RIMS2: variants seen among roughly 807,000 people sequenced by gnomAD.
RIMS2 encodes the protein regulating synaptic membrane exocytosis protein 2.
Under a neutral mutation model 174.4 loss-of-function variants are expected in RIMS2, and 59 were observed. The ratio of observed to expected loss-of-function variants is 0.34; its 90% CI spans 0.27 to 0.42. The LOEUF (loss-of-function observed/expected upper bound fraction) is 0.42, where lower values mean the gene tolerates loss of function less well. Ranked by LOEUF, RIMS2 falls within the 10% of genes least tolerant of loss-of-function variation. The probability of loss-of-function intolerance (pLI) is 1.00; values close to 1 mark genes in which losing one functional copy is unlikely to be tolerated. For synonymous variants in RIMS2, 606 were observed against 572.5 expected, an observed-to-expected ratio of 1.06 and a Z score of -0.84; for missense variants, 1,620 against 1,666.3, an observed-to-expected ratio of 0.97 and a Z score of 0.48.
intron 2 of RIMS2, among the ~76,000 whole-genome samples, chr8:103,737,379 G>A (rs556699265): frequency 1.3e-5 from 2 of 151,316 alleles, no homozygotes; most frequent in South Asian, 4.2e-4. Context: ...TAGAGATAGG[G>A]TTTCACCATG....
At chr8:104,235,670 G>A (rs1470392565) in intron 19 of RIMS2, among the ~76,000 whole-genome samples, 1 of 151,880 alleles carries the variant, frequency 6.6e-6, no homozygotes, top group Non-Finnish European at 1.5e-5. Flanking sequence ...ACACACACAT[G>A]CATTCACATA....
intron 3 of RIMS2, among the ~76,000 whole-genome samples, chr8:103,772,454 A>G (rs951787713): frequency 7.9e-5 from 12 of 152,116 alleles, no homozygotes; most frequent in Admixed American, 2.0e-4. Context: ...TATAAATCTA[A>G]CAAAATATGT....
intron 19 of RIMS2, among the ~76,000 whole-genome samples, chr8:104,073,393 C>T (rs2097228894): frequency 6.6e-6 from 1 of 152,160 alleles, no homozygotes; most frequent in South Asian, 2.1e-4. Context: ...AAATAAGGCT[C>T]ATTCAACAAA....
intron 1 of RIMS2, among the ~76,000 whole-genome samples, chr8:103,662,019 C>T (rs2096607177): frequency 6.6e-6 from 1 of 152,066 alleles, no homozygotes; most frequent in Non-Finnish European, 1.5e-5. Flanking sequence ...TTTTGGCTTC[C>T]CTGGGCTACA....
intron 19 of RIMS2, among the ~76,000 whole-genome samples, chr8:104,154,778 A>C (rs1333521630): frequency 6.6e-6 from 1 of 152,206 alleles, no homozygotes; most frequent in East Asian, 1.9e-4. Flanking sequence ...AACTGTTGTT[A>C]TAACATTTAG....
intron 4 of RIMS2, among the ~76,000 whole-genome samples, chr8:103,901,671 A>G (rs1293642494): frequency 1.3e-5 from 2 of 152,200 alleles, no homozygotes; most frequent in Admixed American, 1.3e-4. Flanking sequence ...TATGCCATAT[A>G]TACAATCATT....
At chr8:103,878,698 CT>C (rs58940277) in intron 3 of RIMS2, among the ~76,000 whole-genome samples, 6,511 of 141,022 alleles carry the variant, frequency 0.046, 413 homozygotes, top group African/African-American at 0.15. Context: ...TGGTCTTGAG[CT>C]TTTTTTTTTT....
intron 1 of RIMS2, among the ~76,000 whole-genome samples, chr8:103,607,248 C>T (rs915106281): frequency 3.3e-5 from 5 of 151,930 alleles, no homozygotes; most frequent in Admixed American, 1.3e-4. Context: ...TTTTATTTCT[C>T]CTTCACTTAT....
chr8:104,010,300 T>C (rs1476249203), intron 17 of RIMS2, among the ~76,000 whole-genome samples: 2 of 152,174 alleles, frequency 1.3e-5, no homozygotes, highest in African/African-American at 2.4e-5. Context: ...TGGATGATTA[T>C]AAAATTATTT....
rs34443811 is a variant in RIMS2 at position 103,585,918 on chromosome 8, T to TA, written c.176+84868dup. 1.2e-3 allele frequency among the ~76,000 whole-genome samples: 169 copies of TA among 140,104 alleles called. 1 individual carries two copies. Among genetic ancestry groups the TA allele is most frequent in the East Asian group, 1.5e-3 (7 of 4,782 alleles). 91.9% of individuals were successfully genotyped at this position (140,104 alleles called of 152,430 possible). A position where few individuals can be genotyped will look rare whatever the true frequency, so the allele number is the denominator to read the frequency against. On this transcript the variant is annotated intron_variant, in intron 1 of 23. Coordinates refer to ENST00000504942, the Ensembl canonical transcript of RIMS2. ...AATTTTAAAAAATTGCATCAATCAT[T>TA]AAAAAAAAAAAAGAGCAGGAGTCCC...
chr8:104,090,795 A>G (rs2097640768), intron 19 of RIMS2, among the ~76,000 whole-genome samples: 2 of 151,798 alleles, frequency 1.3e-5, no homozygotes, highest in African/African-American at 4.8e-5. Flanking sequence ...TTTGTTTTAT[A>G]AACATATTTT....
chr8:104,146,769 C>T (rs908180729), intron 19 of RIMS2, among the ~76,000 whole-genome samples: 3 of 152,126 alleles, frequency 2.0e-5, no homozygotes, highest in East Asian at 1.9e-4. Context: ...GGCACCATCT[C>T]GGCTCACTGC....
intron 19 of RIMS2, among the ~76,000 whole-genome samples, chr8:104,018,840 C>T (rs1041369244): frequency 1.1e-4 from 16 of 152,160 alleles, no homozygotes; most frequent in African/African-American, 3.6e-4. Flanking sequence ...CTTCTTCATC[C>T]CAGTTCAATA....
intron 1 of RIMS2, among the ~76,000 whole-genome samples, chr8:103,694,817 G>T (rs1439846974): frequency 6.6e-6 from 1 of 152,212 alleles, no homozygotes; most frequent in Admixed American, 6.5e-5. Flanking sequence ...AGGGAAGCCA[G>T]CCTGGCACTG....
chr8:104,239,928 G>A (rs185952368), intron 19 of RIMS2, among the ~76,000 whole-genome samples: 15 of 152,232 alleles, frequency 9.9e-5, no homozygotes, highest in East Asian at 7.7e-4. Flanking sequence ...AGGCCCTTTC[G>A]GTAGTGGACA....
intron 3 of RIMS2, among the ~76,000 whole-genome samples, chr8:103,777,901 G>T (rs999761579): frequency 1.3e-5 from 2 of 151,838 alleles, no homozygotes; most frequent in African/African-American, 4.8e-5. Flanking sequence ...TACAAAATTG[G>T]GTATAAACTG....
At chr8:104,235,340 ATCTATATTATT>A (rs2139502444) in intron 19 of RIMS2, among the ~76,000 whole-genome samples, 1 of 152,256 alleles carries the variant, frequency 6.6e-6, no homozygotes, top group East Asian at 1.9e-4. Context: ...TTCAAATCTC[ATCTATATTATT>A]AGTCAACTGT....
chr8:104,218,128 A>T (rs2099139180), intron 19 of RIMS2, among the ~76,000 whole-genome samples: 1 of 152,192 alleles, frequency 6.6e-6, no homozygotes, highest in South Asian at 2.1e-4. Context: ...ATCAAAAGAA[A>T]AGAGGTTAGT....
chr8:103,983,810 C>A (rs1041207890), intron 16 of RIMS2, among the ~76,000 whole-genome samples: 6 of 152,112 alleles, frequency 3.9e-5, no homozygotes, highest in African/African-American at 1.4e-4. Flanking sequence ...AGAAAACATT[C>A]AAGAAACCCC....
Sources: allele counts gnomAD v4.1 joint callset (sites outside exome capture counted in the v4.1 genomes callset), GRCh38; gene constraint gnomAD v4.1.1; transcripts MANE v1.5; gene names NCBI Gene and HGNC (gene_info 2026-07-23, HGNC 2026-07-21).